The following SUSD6 variants were observed in gnomAD, a reference collection of about 807,000 sequenced individuals.
SUSD6 encodes sushi domain-containing protein 6.
Under a neutral mutation model 28.4 loss-of-function variants are expected in SUSD6, and 16 were observed. The ratio of observed to expected loss-of-function variants is 0.56; its 90% CI spans 0.38 to 0.86. SUSD6 has a LOEUF of 0.86. SUSD6 is among the 40% of genes least tolerant of loss of function. SUSD6 has a pLI of 0.00. For synonymous variants in SUSD6, 147 were observed against 159.6 expected, an observed-to-expected ratio of 0.92 and a Z score of 0.59; for missense variants, 341 against 384.2, an observed-to-expected ratio of 0.89 and a Z score of 0.94.
chr14:69,655,466 T>G (rs1379202494), intron 1 of SUSD6, among the ~76,000 whole-genome samples: 1 of 152,140 alleles, frequency 6.6e-6, no homozygotes, highest in Non-Finnish European at 1.5e-5. Context: ...TTTGGAATAG[T>G]TATTAACAAG....
intron 2 of SUSD6, among the ~76,000 whole-genome samples, chr14:69,700,467 G>T (rs1886298016): frequency 6.6e-6 from 1 of 152,032 alleles, no homozygotes; most frequent in Admixed American, 6.6e-5. Flanking sequence ...ATCTCCTTTT[G>T]TAAGGAAGGT....
chr14:69,653,092 T>A (rs1447814345), intron 1 of SUSD6, among the ~76,000 whole-genome samples: 2 of 152,300 alleles, frequency 1.3e-5, no homozygotes, highest in East Asian at 3.9e-4. Flanking sequence ...TTCCTCAAGG[T>A]CAGAGCTGTG....
chr14:69,637,304 A>G (rs1050520997), intron 1 of SUSD6, among the ~76,000 whole-genome samples: 3 of 152,070 alleles, frequency 2.0e-5, no homozygotes, highest in Admixed American at 6.5e-5. Flanking sequence ...TTACCGCACC[A>G]TATTACCGTC....
intron 2 of SUSD6, among the ~76,000 whole-genome samples, chr14:69,662,817 A>G (rs1885682779): frequency 6.6e-6 from 1 of 152,190 alleles, no homozygotes; most frequent in African/African-American, 2.4e-5. Context: ...GTCTTTTGCA[A>G]AACAGAAACA....
In SUSD6 at chr14:69,708,877, A is replaced by G; in HGVS notation, c.659A>G (p.Gln220Arg). The stretch of plus-strand genomic sequence containing the variant: ...CCAAGGGAGCAACAGCTGCCGGACC[A>G]AGGGGCCTGCTCCTCTGCAGGTGGA... The part of the protein sequence containing the change: ...SVPREQQLPD[Q>R]GACSSAGGED... The change falls in exon 5 of 6, where the codon CAA becomes CGA. Residue 220 changes from glutamine to arginine, a missense_variant. By Grantham distance (43) the Gln-to-Arg change is conservative. Coordinates refer to ENST00000342745, the MANE Select transcript of SUSD6 (RefSeq NM_014734.4). 6.2e-7 allele frequency: 1 copy of G among 1,614,162 alleles called. No homozygotes were observed. The highest frequency in any genetic ancestry group is 8.5e-7 in the Non-Finnish European group (1 of 1,180,006).
At chr14:69,627,483 A>ATTTT (rs1277764194) in intron 1 of SUSD6, among the ~76,000 whole-genome samples, 2 of 152,018 alleles carry the variant, frequency 1.3e-5, no homozygotes, top group East Asian at 3.9e-4. Flanking sequence ...TTATTTATTT[A>ATTTT]TTTTTTCTTT....
At chr14:69,619,372 A>G (rs943564555) in intron 1 of SUSD6, among the ~76,000 whole-genome samples, 1 of 152,162 alleles carries the variant, frequency 6.6e-6, no homozygotes, top group African/African-American at 2.4e-5. Context: ...TACTTTCTTA[A>G]TAAACTTGCT....
intron 1 of SUSD6, among the ~76,000 whole-genome samples, chr14:69,657,164 T>C (rs1885595523): frequency 6.6e-6 from 1 of 152,062 alleles, no homozygotes; most frequent in African/African-American, 2.4e-5. Context: ...CAGATTAAAA[T>C]CAGATTTGGT....
intron 1 of SUSD6, among the ~76,000 whole-genome samples, chr14:69,625,187 T>C (rs2139593656): frequency 6.6e-6 from 1 of 152,302 alleles, no homozygotes; most frequent in Middle Eastern, 3.4e-3. Flanking sequence ...TTAACTGAAA[T>C]TGGGAGTTAA....
At chr14:69,628,588 T>C (rs1033814519) in intron 1 of SUSD6, among the ~76,000 whole-genome samples, 2 of 152,186 alleles carry the variant, frequency 1.3e-5, no homozygotes, top group Non-Finnish European at 2.9e-5. Context: ...GGCAGTGTGC[T>C]CAGTGCTTTA....
At chr14:69,649,620 G>T (rs773935594) in intron 1 of SUSD6, among the ~76,000 whole-genome samples, 97 of 152,116 alleles carry the variant, frequency 6.4e-4, no homozygotes, top group Admixed American at 1.6e-3. Flanking sequence ...TTGAGCACTT[G>T]GGGGCAGAGA....
intron 2 of SUSD6, among the ~76,000 whole-genome samples, chr14:69,659,642 C>T (rs373280950): frequency 7.7e-4 from 118 of 152,274 alleles, no homozygotes; most frequent in African/African-American, 2.6e-3. Flanking sequence ...TTCAGCCTCC[C>T]GAGTAGCTGG....
chr14:69,637,939 T>G (rs962077605), intron 1 of SUSD6, among the ~76,000 whole-genome samples: 1 of 152,148 alleles, frequency 6.6e-6, no homozygotes, highest in Non-Finnish European at 1.5e-5. Context: ...CAGTGCTCAG[T>G]TATGCTATGC....
At chr14:69,667,167 G>C (rs1489057801) in intron 2 of SUSD6, among the ~76,000 whole-genome samples, 1 of 152,126 alleles carries the variant, frequency 6.6e-6, no homozygotes, top group African/African-American at 2.4e-5. Context: ...GTGGGTATGA[G>C]GATCAGCCTG....
intron 2 of SUSD6, among the ~76,000 whole-genome samples, chr14:69,686,503 AG>A (rs1886075867): frequency 6.6e-6 from 1 of 152,222 alleles, no homozygotes; most frequent in Admixed American, 6.5e-5. Flanking sequence ...TGACTGTATT[AG>A]TCTGTTTTCA....
rs143739135 is a variant in SUSD6 at position 69,659,505 on chromosome 14, TTTTGTTTG to T, written c.121+816_121+823del. On this transcript the variant is annotated intron_variant, in intron 2 of 5. Transcript: ENST00000342745. ...GGGCTAGACATGCCCCATTGAGCCT[TTTTGTTTG>T]TTTGTTTGTTTGTTTGTTTGTTTTC... Among the ~76,000 whole-genome samples, 1,414 of 152,018 alleles carry T rather than the reference TTTTGTTTG, an allele frequency of 9.3e-3. 25 individuals are homozygous for T. The highest frequency in any genetic ancestry group is 0.031 in the African/African-American group (1,298 of 41,460).
chr14:69,709,204 G>T lies in SUSD6; in HGVS notation c.886+100G>T, dbSNP rs537622716. On this transcript the variant is annotated intron_variant, in intron 5 of 5. Coordinates refer to ENST00000342745, the MANE Select transcript of SUSD6 (RefSeq NM_014734.4). Reference sequence around the variant, plus strand: ...TTTCTAAATAATTGGTATATTTTTAGCAAAAAAAAGATAGTACCTGGGGTA... The same window carrying T: ...TTTCTAAATAATTGGTATATTTTTATCAAAAAAAAGATAGTACCTGGGGTA... The T allele has an allele frequency of 1.1e-5, 13 of 1,143,494 alleles. No individual in the cohort carries two copies. The African/African-American group carries it at 2.0e-4, about 18-fold the overall frequency. The allele number at this position is 1,143,494 out of a possible 1,614,324, so 70.8% of individuals were successfully genotyped here.
rs114657520 is a variant in SUSD6, at chr14:69,632,423, C to T, written c.-81+20595C>T. 4.4e-3 allele frequency among the ~76,000 whole-genome samples: 667 copies of T among 152,256 alleles called. 5 individuals are homozygous for T. The highest frequency in any genetic ancestry group is 0.015 in the African/African-American group (637 of 41,538). On this transcript the variant is annotated intron_variant, in intron 1 of 5. Transcript: ENST00000342745. ...GATTGCCTAGAAGGGGAAAACTCAT[C>T]GTGTAAGGAGAACACTTCCCTCGTG...
In SUSD6 at chr14:69,712,053, C is replaced by G. The variant is rs146806205; in HGVS notation, c.*1074C>G. 4,696 of 152,438 alleles carry G rather than the reference C, an allele frequency of 0.031. 124 individuals are homozygous for G. Among genetic ancestry groups the G allele is most frequent in the South Asian group, 0.13 (630 of 4,824 alleles). The allele number at this position is 152,438 out of a possible 1,614,324, so 9.4% of individuals were successfully genotyped here. ...AGGCCGAGAGGCACAGACCAAGTCC[C>G]CGGGTGGCTGCAGGCAGCTCCAGCC... On this transcript the variant is annotated 3_prime_UTR_variant, in exon 6 of 6. Coordinates refer to ENST00000342745, the MANE Select transcript of SUSD6 (RefSeq NM_014734.4).
Sources: gnomAD v4.1 joint callset for allele counts (sites outside exome capture counted in the v4.1 genomes callset) on GRCh38, gnomAD v4.1.1 for gene constraint, MANE v1.5 for transcripts, NCBI Gene and HGNC (gene_info 2026-07-23, HGNC 2026-07-21) for gene names.